Variants in EPB41L2 observed in about 807,000 individuals in gnomAD.
EPB41L2 encodes band 4.1-like protein 2.
A neutral mutation model predicts 113.0 loss-of-function variants in EPB41L2; 43 were observed. That is an observed-to-expected ratio of 0.38 (90% CI 0.30 to 0.49). The LOEUF (loss-of-function observed/expected upper bound fraction) is 0.49. Ranked by LOEUF, EPB41L2 falls within the 20% of genes least tolerant of loss-of-function variation. The pLI, the probability that EPB41L2 is intolerant of heterozygous loss-of-function variation, is 0.95. For missense variants in EPB41L2, 1,147 were observed against 1,223.4 expected (o/e 0.94, Z 0.93); for synonymous variants, 442 against 436.7 (o/e 1.01, Z -0.15).
chr6:131,044,359 T>A (rs1207029103), intron 1 of EPB41L2, among the ~76,000 whole-genome samples: 2 of 151,950 alleles, frequency 1.3e-5, no homozygotes, highest in African/African-American at 4.8e-5. Context: ...AAAATTGAAA[T>A]AATGGAAATG....
At chr6:130,960,018 T>C (rs572020351) in intron 1 of EPB41L2, among the ~76,000 whole-genome samples, 1 of 152,352 alleles carries the variant, frequency 6.6e-6, no homozygotes, top group East Asian at 1.9e-4. Context: ...ATCATAAGGG[T>C]TTCCACTCAC....
intron 1 of EPB41L2, chr6:131,015,903 T>C (rs567247251): frequency 6.6e-6 from 1 of 152,356 alleles, no homozygotes; most frequent in African/African-American, 2.4e-5. Flanking sequence ...TTTTTAAGAA[T>C]GTCTCTGTGG....
At chr6:130,866,277 T>C (rs973777129) in intron 16 of EPB41L2, among the ~76,000 whole-genome samples, 12 of 152,238 alleles carry the variant, frequency 7.9e-5, no homozygotes, top group African/African-American at 2.4e-4. Flanking sequence ...TGCTTTGATA[T>C]TGAAAGATGC....
chr6:130,843,424 CT>C (rs1228428050), intron 19 of EPB41L2, among the ~76,000 whole-genome samples: 1 of 152,168 alleles, frequency 6.6e-6, no homozygotes, highest in Non-Finnish European at 1.5e-5. Flanking sequence ...CAAGAACATT[CT>C]TTTCTTTCTC....
chr6:130,933,926 A>G (rs1354921170), intron 3 of EPB41L2, among the ~76,000 whole-genome samples: 1 of 152,072 alleles, frequency 6.6e-6, no homozygotes, highest in Non-Finnish European at 1.5e-5. Flanking sequence ...GGCCCTCCAC[A>G]CTGCAGTTAT....
intron 17 of EPB41L2, 140 bp from the exon 18 acceptor site, chr6:130,863,858 T>C (rs897585913): frequency 8.8e-6 from 5 of 570,554 alleles, no homozygotes; most frequent in African/African-American, 3.8e-5. Context: ...AAGACTGATA[T>C]TCTAGAAACA....
At chr6:130,870,981 C>T (rs1389332500) in intron 14 of EPB41L2, among the ~76,000 whole-genome samples, 1 of 152,028 alleles carries the variant, frequency 6.6e-6, no homozygotes, top group African/African-American at 2.4e-5. Context: ...ATGGTGACTC[C>T]AAGTGTTTCC....
At chr6:130,923,005 T>G (rs569942936) in intron 4 of EPB41L2, among the ~76,000 whole-genome samples, 5 of 152,336 alleles carry the variant, frequency 3.3e-5, no homozygotes, top group Admixed American at 2.0e-4. Context: ...AAACTCAATA[T>G]GTCAGAAACT....
chr6:130,878,338 G>C, intron 13 of EPB41L2, 88 bp from the exon 14 acceptor site: 2 of 1,378,732 alleles, frequency 1.5e-6, no homozygotes. Context: ...ATAAGACAAA[G>C]CAAACTTACG....
rs1267383411 is a variant in EPB41L2, at chr6:130,917,748, T to G, written c.810+8857A>C. The stretch of plus-strand genomic sequence containing the variant: ...CATTTTAACAAGTGTTAGAATAAGT[T>G]TTTCTTTAACAGTTCCTTTCCCCCC... On this transcript the variant is annotated intron_variant, in intron 4 of 19. Transcript: ENST00000337057. Among the ~76,000 whole-genome samples the G allele has an allele frequency of 2.0e-5, 3 of 152,320 alleles. No homozygotes were observed. The East Asian group carries it at 5.8e-4, about 29-fold the overall frequency.
intron 3 of EPB41L2, among the ~76,000 whole-genome samples, chr6:130,927,606 C>T (rs946417589): frequency 6.6e-6 from 1 of 152,184 alleles, no homozygotes; most frequent in South Asian, 2.1e-4. Context: ...CGAATGCCCT[C>T]TCACTATCAA....
At position 131,031,751 on chromosome 6, in the gene EPB41L2, A is replaced by G. The variant is rs1203775469; in HGVS notation, c.-15+31404T>C. Among the ~76,000 whole-genome samples, 7 of 152,352 alleles carry G rather than the reference A, an allele frequency of 4.6e-5. No individual in the cohort carries two copies. In the South Asian group the frequency reaches 6.2e-4, roughly 14 times the overall value. On this transcript the variant is annotated intron_variant, in intron 1 of 19. Transcript: ENST00000337057. ...CTTTTGACCATGAAGCTCTGATAATATATGTTTTCTATCTCAACCTTTCTC... is the reference window on the plus strand; with the variant it reads ...CTTTTGACCATGAAGCTCTGATAATGTATGTTTTCTATCTCAACCTTTCTC...
intron 1 of EPB41L2, among the ~76,000 whole-genome samples, chr6:130,981,741 C>T (rs1026562468): frequency 6.6e-6 from 1 of 152,112 alleles, no homozygotes; most frequent in African/African-American, 2.4e-5. Context: ...GTGGAACTGT[C>T]TTCTACTGAT....
chr6:130,858,083 G>A, intron 19 of EPB41L2, 48 bp downstream of exon 19: 3 of 1,373,500 alleles, frequency 2.2e-6, no homozygotes, highest in Non-Finnish European at 2.1e-6. Context: ...AAGTTCAGGA[G>A]TACAGAGCAG....
At chr6:130,890,967 G>C (rs1792646110) in intron 10 of EPB41L2, among the ~76,000 whole-genome samples, 1 of 152,100 alleles carries the variant, frequency 6.6e-6, no homozygotes, top group African/African-American at 2.4e-5. Context: ...ACCCCTTCTT[G>C]CCAGCACAAT....
Position 130,869,833 on chromosome 6 carries a change from T to C in EPB41L2, c.2337A>G (p.Glu779=). The C allele has an allele frequency of 6.2e-7, 1 of 1,613,882 alleles. No homozygotes were observed. Among genetic ancestry groups the C allele is most frequent in the Non-Finnish European group, 8.5e-7 (1 of 1,180,004 alleles). Residue 779 remains glutamate (E), a synonymous_variant, in exon 15 of 20, where the codon GAA becomes GAG. Coordinates refer to ENST00000337057, the MANE Select transcript of EPB41L2 (RefSeq NM_001431.4). ...CTACCTTGGCTGCCGGGCGGGGTTC[T>C]TCCTCCACCTCTTCTTCATACTCCT... ...EEQEYEEEVE[E]EPRPAAKVVE...
At chr6:130,944,281 C>A (rs567646847) in intron 3 of EPB41L2, among the ~76,000 whole-genome samples, 4 of 151,490 alleles carry the variant, frequency 2.6e-5, no homozygotes, top group Admixed American at 6.6e-5. Flanking sequence ...CAAATGCTAT[C>A]ATTTATCTTG....
intron 4 of EPB41L2, among the ~76,000 whole-genome samples, chr6:130,911,967 G>A (rs78617211): frequency 0.022 from 3,309 of 152,256 alleles, 117 homozygotes; most frequent in African/African-American, 0.076. Flanking sequence ...ACAGCAGGAC[G>A]TGAACAGCAG....
chr6:130,996,244 G>A (rs1783070006), intron 1 of EPB41L2, among the ~76,000 whole-genome samples: 1 of 152,182 alleles, frequency 6.6e-6, no homozygotes, highest in Admixed American at 6.5e-5. Context: ...GGAATGGCAT[G>A]ACCAAGAGCT....
Sources: gnomAD v4.1 joint callset for allele counts (sites outside exome capture counted in the v4.1 genomes callset) on GRCh38, gnomAD v4.1.1 for gene constraint, MANE v1.5 for transcripts, NCBI Gene and HGNC (gene_info 2026-07-23, HGNC 2026-07-21) for gene names.